NLGN1: variants seen among roughly 807,000 people sequenced by gnomAD.
NLGN1 encodes the protein neuroligin 1.
In NLGN1, 12 loss-of-function variants were observed where a neutral mutation model predicts 65.5. The observed-to-expected ratio is 0.18, with a 90% CI of 0.12 to 0.30. The LOEUF (loss-of-function observed/expected upper bound fraction) is 0.30. Ranked by LOEUF, NLGN1 falls within the 10% of genes least tolerant of loss-of-function variation. The probability of loss-of-function intolerance (pLI) is 1.00; values close to 1 mark genes in which losing one functional copy is unlikely to be tolerated. For missense variants in NLGN1, 750 were observed against 1,007.1 expected (o/e 0.74, Z 3.46); for synonymous variants, 350 against 359.5 (o/e 0.97, Z 0.30).
At chr3:173,432,888 G>T (rs368504722) in intron 1 of NLGN1, among the ~76,000 whole-genome samples, 8 of 151,796 alleles carry the variant, frequency 5.3e-5, no homozygotes, top group African/African-American at 1.9e-4. Flanking sequence ...TGGGTGCTGG[G>T]TATCCTCATT....
intron 4 of NLGN1, among the ~76,000 whole-genome samples, chr3:173,848,672 T>G (rs561985628): frequency 2.6e-5 from 4 of 152,318 alleles, no homozygotes; most frequent in African/African-American, 9.6e-5. Flanking sequence ...TTTGGAATGT[T>G]GGCCTGCATT....
intron 2 of NLGN1, among the ~76,000 whole-genome samples, chr3:173,501,072 G>T (rs1353998699): frequency 1.3e-5 from 2 of 152,038 alleles, no homozygotes; most frequent in Non-Finnish European, 2.9e-5. Flanking sequence ...CTTTTTCCAA[G>T]ATATCTCAGA....
intron 3 of NLGN1, among the ~76,000 whole-genome samples, chr3:173,785,425 T>C (rs1781797672): frequency 6.6e-6 from 1 of 152,210 alleles, no homozygotes; most frequent in South Asian, 2.1e-4. Flanking sequence ...CGTTGTTTTA[T>C]CTAAAAATGA....
intron 4 of NLGN1, among the ~76,000 whole-genome samples, chr3:173,828,258 C>T (rs1721764791): frequency 1.3e-5 from 2 of 152,044 alleles, no homozygotes; most frequent in Non-Finnish European, 2.9e-5. Flanking sequence ...TCAAATTTGA[C>T]CATGCAGATT....
chr3:173,999,964 C>A (rs1361139747), intron 4 of NLGN1, among the ~76,000 whole-genome samples: 1 of 151,226 alleles, frequency 6.6e-6, no homozygotes, highest in Non-Finnish European at 1.5e-5. Flanking sequence ...AAATAACAAA[C>A]AGGTTTTTTT....
chr3:174,203,006 T>G (rs1734764418), intron 4 of NLGN1, among the ~76,000 whole-genome samples: 1 of 152,196 alleles, frequency 6.6e-6, no homozygotes, highest in African/African-American at 2.4e-5. Context: ...ATTCATTCAT[T>G]TACTTATTTA....
chr3:174,049,489 G>A (rs1044563751), intron 4 of NLGN1, among the ~76,000 whole-genome samples: 17 of 151,998 alleles, frequency 1.1e-4, no homozygotes, highest in Admixed American at 1.1e-3. Context: ...AACTGGAGAA[G>A]TCACAGTAGA....
At chr3:174,203,652 G>A (rs527611668) in intron 4 of NLGN1, among the ~76,000 whole-genome samples, 2 of 152,132 alleles carry the variant, frequency 1.3e-5, no homozygotes, top group Non-Finnish European at 2.9e-5. Flanking sequence ...CCATCACCAC[G>A]CTTCCAGCAT....
intron 4 of NLGN1, among the ~76,000 whole-genome samples, chr3:173,990,974 C>T (rs574564008): frequency 1.3e-5 from 2 of 152,144 alleles, no homozygotes; most frequent in South Asian, 2.1e-4. Flanking sequence ...CCCATATACC[C>T]CCATACATGC....
intron 3 of NLGN1, among the ~76,000 whole-genome samples, chr3:173,708,433 T>C (rs1353532978): frequency 6.6e-6 from 1 of 152,034 alleles, no homozygotes; most frequent in Non-Finnish European, 1.5e-5. Context: ...CATCACCACC[T>C]CTCAGCCCCA....
intron 4 of NLGN1, among the ~76,000 whole-genome samples, chr3:174,239,468 C>T (rs906047532): frequency 2.6e-5 from 4 of 152,106 alleles, no homozygotes; most frequent in Non-Finnish European, 5.9e-5. Flanking sequence ...AGAGAAGGTC[C>T]TGTTAGTAGG....
chr3:173,716,249 A>G (rs1358021460), intron 3 of NLGN1, among the ~76,000 whole-genome samples: 1 of 152,126 alleles, frequency 6.6e-6, no homozygotes, highest in Non-Finnish European at 1.5e-5. Flanking sequence ...CTATTTCTCT[A>G]TTTTTGGAAA....
At chr3:174,050,546 A>G (rs983235655) in intron 4 of NLGN1, among the ~76,000 whole-genome samples, 7 of 152,130 alleles carry the variant, frequency 4.6e-5, no homozygotes, top group African/African-American at 1.7e-4. Flanking sequence ...TAAAAAAGAA[A>G]ATAGTACATC....
At chr3:174,144,625 G>A (rs929031907) in intron 4 of NLGN1, among the ~76,000 whole-genome samples, 13 of 152,108 alleles carry the variant, frequency 8.5e-5, no homozygotes, top group African/African-American at 3.1e-4. Flanking sequence ...GTGTGAGATG[G>A]TATCTCATTG....
At chr3:174,102,900 A>T (rs1372812913) in intron 4 of NLGN1, among the ~76,000 whole-genome samples, 1 of 152,172 alleles carries the variant, frequency 6.6e-6, no homozygotes, top group Non-Finnish European at 1.5e-5. Context: ...GCACCACCTT[A>T]AGATGGAGGA....
chr3:173,795,771 T>A (rs1165480935), intron 3 of NLGN1, among the ~76,000 whole-genome samples: 1 of 152,134 alleles, frequency 6.6e-6, no homozygotes, highest in Admixed American at 6.6e-5. Flanking sequence ...AAACTAAATT[T>A]TACCCCAAGA....
chr3:173,438,972 A>T (rs955010396), intron 2 of NLGN1, among the ~76,000 whole-genome samples: 4 of 152,206 alleles, frequency 2.6e-5, no homozygotes, highest in Admixed American at 2.6e-4. Flanking sequence ...AATTCAGTAG[A>T]GACACAATTT....
intron 4 of NLGN1, among the ~76,000 whole-genome samples, chr3:173,958,482 GGGA>G (rs1381362967): frequency 6.6e-6 from 1 of 151,996 alleles, no homozygotes; most frequent in African/African-American, 2.4e-5. Context: ...GCTCTCAGCA[GGGA>G]GGAGACCCTG....
intron 2 of NLGN1, among the ~76,000 whole-genome samples, chr3:173,456,866 A>G (rs1243924741): frequency 6.6e-6 from 1 of 152,072 alleles, no homozygotes; most frequent in African/African-American, 2.4e-5. Context: ...ATCTTACCTT[A>G]AAGATGATTA....
Sources: allele counts gnomAD v4.1 joint callset (sites outside exome capture counted in the v4.1 genomes callset), GRCh38; gene constraint gnomAD v4.1.1; transcripts MANE v1.5; gene names NCBI Gene and HGNC (gene_info 2026-07-23, HGNC 2026-07-21).